Variants in FIGN observed in about 807,000 individuals in gnomAD.
FIGN encodes the protein fidgetin.
A neutral mutation model predicts 51.3 loss-of-function variants in FIGN; 11 were observed. The observed-to-expected ratio is 0.21, with a 90% CI of 0.13 to 0.35. The LOEUF (loss-of-function observed/expected upper bound fraction) is 0.35. FIGN is among the 10% of genes least tolerant of loss of function. The pLI, the probability that FIGN is intolerant of heterozygous loss-of-function variation, is 1.00. For synonymous variants in FIGN, 407 were observed against 363.2 expected (o/e 1.12, Z -1.37); for missense variants, 857 against 943.6 (o/e 0.91, Z 1.20).
chr2:163,637,388 T>C (rs2105314429), intron 2 of FIGN, among the ~76,000 whole-genome samples: 1 of 152,286 alleles, frequency 6.6e-6, no homozygotes, highest in Admixed American at 6.5e-5. Context: ...GCCTAATAAA[T>C]TAAATCATGG....
chr2:163,706,934 C>A (rs1001306179), intron 2 of FIGN, among the ~76,000 whole-genome samples: 2 of 152,122 alleles, frequency 1.3e-5, no homozygotes, highest in Non-Finnish European at 2.9e-5. Context: ...TTTCATATTC[C>A]TGAATGTCAC....
At chr2:163,619,718 G>A (rs1258817191) in intron 2 of FIGN, among the ~76,000 whole-genome samples, 2 of 152,040 alleles carry the variant, frequency 1.3e-5, no homozygotes, top group Non-Finnish European at 2.9e-5. Flanking sequence ...TTAGACCACT[G>A]AGCCTAGATT....
chr2:163,716,538 T>C (rs1330360872), intron 2 of FIGN, among the ~76,000 whole-genome samples: 1 of 152,202 alleles, frequency 6.6e-6, no homozygotes, highest in African/African-American at 2.4e-5. Flanking sequence ...AACCAAATTA[T>C]GTCTACCTTA....
In FIGN at chr2:163,730,504, T is replaced by G. The variant is rs948777681; in HGVS notation, c.25+4399A>C. 4.2e-4 allele frequency among the ~76,000 whole-genome samples: 62 copies of G among 149,026 alleles called. No homozygotes were observed. In the East Asian group the frequency reaches 5.7e-3, roughly 14 times the overall value. Reference sequence around the variant, plus strand: ...ACAATCTCTCTCTCTTGCTCCGTGTTTGTGTGTGTGTGTGTGTGTGTGTGT... The same window carrying G: ...ACAATCTCTCTCTCTTGCTCCGTGTGTGTGTGTGTGTGTGTGTGTGTGTGT... On this transcript the variant is annotated intron_variant, in intron 2 of 2. Transcript: ENST00000333129.
At chr2:163,620,851 T>TTGTGTG (rs71015594) in intron 2 of FIGN, among the ~76,000 whole-genome samples, 9,063 of 147,514 alleles carry the variant, frequency 0.061, 317 homozygotes, top group South Asian at 0.14. Flanking sequence ...GTGTAAATAT[T>TTGTGTG]TGTGTGTGTG....
intron 2 of FIGN, among the ~76,000 whole-genome samples, chr2:163,630,441 T>C (rs1357699006): frequency 1.3e-5 from 2 of 152,122 alleles, no homozygotes; most frequent in African/African-American, 2.4e-5. Context: ...TCCATATGTA[T>C]TGATTGAGTC....
intron 2 of FIGN, among the ~76,000 whole-genome samples, chr2:163,671,437 CAG>C (rs954409673): frequency 4.6e-5 from 7 of 152,132 alleles, no homozygotes; most frequent in African/African-American, 1.4e-4. Flanking sequence ...ATTCTGAACT[CAG>C]AGCTCTACAC....
At chr2:163,704,664 A>T (rs879581160) in intron 2 of FIGN, among the ~76,000 whole-genome samples, 9,478 of 50,102 alleles carry the variant, frequency 0.19, 346 homozygotes, top group Non-Finnish European at 0.28. Flanking sequence ...TCTCACACAC[A>T]CACACACACA....
chr2:163,639,407 A>AT (rs1396800886), intron 2 of FIGN, among the ~76,000 whole-genome samples: 1 of 152,164 alleles, frequency 6.6e-6, no homozygotes, highest in African/African-American at 2.4e-5. Flanking sequence ...TATTGTGCAG[A>AT]TTAAAGGCAA....
Position 163,611,707 on chromosome 2 carries a change from T to C in FIGN, c.125A>G (p.Tyr42Cys), listed in dbSNP as rs957909505. 7.4e-6 allele frequency: 12 copies of C among 1,614,206 alleles called. No individual in the cohort carries two copies. Among genetic ancestry groups the C allele is most frequent in the Non-Finnish European group, 1.0e-5 (12 of 1,180,012 alleles). The part of the protein sequence containing the change: ...TRSPAHKVEA[Y>C]RGHLQRTYQY... Reference sequence around the variant, plus strand: ...ATAGGTGCGCTGCAGATGACCTCTGTAGGCTTCAACTTTGTGGGCAGGAGA... The same window carrying C: ...ATAGGTGCGCTGCAGATGACCTCTGCAGGCTTCAACTTTGTGGGCAGGAGA... Residue 42 changes from tyrosine to cysteine, a missense_variant, in exon 3 of 3, where the codon TAC (tyrosine) becomes TGC (cysteine). Coordinates refer to ENST00000333129, the MANE Select transcript of FIGN (RefSeq NM_018086.4).
chr2:163,660,730 C>CATAT (rs1553498216), intron 2 of FIGN, among the ~76,000 whole-genome samples: 1 of 28,486 alleles, frequency 3.5e-5, no homozygotes, highest in Non-Finnish European at 7.6e-5. Flanking sequence ...TATATGTATA[C>CATAT]ACATATACAT....
In FIGN at chr2:163,608,780, A is replaced by G. The variant is rs1259768081; in HGVS notation, c.*772T>C. ...TCAGTATTTTTCTGGATACATTCAA[A>G]GTAATTTTCCTTGCTATTTTCCAAT... On this transcript the variant is annotated 3_prime_UTR_variant, in exon 3 of 3. Coordinates refer to ENST00000333129, the MANE Select transcript of FIGN (RefSeq NM_018086.4). 1.3e-5 allele frequency: 2 copies of G among 152,654 alleles called. No homozygotes were observed. Among genetic ancestry groups the G allele is most frequent in the Non-Finnish European group, 2.9e-5 (2 of 68,044 alleles). 9.5% of individuals were successfully genotyped at this position (152,654 alleles called of 1,614,324 possible).
At chr2:163,615,201 G>C (rs190091791) in intron 2 of FIGN, among the ~76,000 whole-genome samples, 100 of 152,260 alleles carry the variant, frequency 6.6e-4, no homozygotes, top group Non-Finnish European at 1.2e-3. Flanking sequence ...CCTTTGCAGA[G>C]CTGCAAAAGG....
At position 163,603,043 on chromosome 2, in the gene FIGN, A is replaced by G. The variant is rs1406675890; in HGVS notation, c.*6509T>C. 1 of 152,118 alleles carries G rather than the reference A, an allele frequency of 6.6e-6. No individual in the cohort carries two copies. The highest frequency in any genetic ancestry group is 2.4e-5 in the African/African-American group (1 of 41,448). 9.4% of individuals were successfully genotyped at this position (152,118 alleles called of 1,614,324 possible). ...ATAATGATCCCATCAAAATAAAAAA[A>G]ATCTAAGCAGAAATGTCTCATTTAC... On this transcript the variant is annotated 3_prime_UTR_variant, in exon 3 of 3. Transcript: ENST00000333129.
chr2:163,639,046 T>G (rs1055602653), intron 2 of FIGN, among the ~76,000 whole-genome samples: 1 of 152,190 alleles, frequency 6.6e-6, no homozygotes, highest in Non-Finnish European at 1.5e-5. Context: ...ATTTATGTTG[T>G]TTGCTTGTTA....
chr2:163,712,008 C>T (rs1684595326), intron 2 of FIGN, among the ~76,000 whole-genome samples: 1 of 152,082 alleles, frequency 6.6e-6, no homozygotes, highest in Admixed American at 6.6e-5. Flanking sequence ...CGTACACACA[C>T]TCCCCACCTA....
intron 2 of FIGN, among the ~76,000 whole-genome samples, chr2:163,653,090 C>T (rs1243009868): frequency 2.0e-5 from 3 of 152,138 alleles, no homozygotes; most frequent in Non-Finnish European, 4.4e-5. Flanking sequence ...TATTATAATT[C>T]ACCTCTCTGG....
chr2:163,613,547 T>G (rs1682816571), intron 2 of FIGN, among the ~76,000 whole-genome samples: 1 of 152,170 alleles, frequency 6.6e-6, no homozygotes, highest in Non-Finnish European at 1.5e-5. Flanking sequence ...AATGGCATGT[T>G]GATTCCCTTC....
chr2:163,680,715 C>T (rs190216624), intron 2 of FIGN, among the ~76,000 whole-genome samples: 176 of 152,126 alleles, frequency 1.2e-3, no homozygotes, highest in African/African-American at 4.1e-3. Flanking sequence ...CCCCAATCTT[C>T]CCCCTCCCCA....
Sources: gnomAD v4.1 joint callset for allele counts (sites outside exome capture counted in the v4.1 genomes callset) on GRCh38, gnomAD v4.1.1 for gene constraint, MANE v1.5 for transcripts, NCBI Gene and HGNC (gene_info 2026-07-23, HGNC 2026-07-21) for gene names.